MYO1B: variants seen among roughly 807,000 people sequenced by gnomAD.
MYO1B encodes unconventional myosin-Ib.
Under a neutral mutation model 159.7 loss-of-function variants are expected in MYO1B, and 72 were observed. That is an observed-to-expected ratio of 0.45 (90% CI 0.37 to 0.55). MYO1B has a LOEUF of 0.55. Ranked by LOEUF, MYO1B falls within the 20% of genes least tolerant of loss-of-function variation. MYO1B has a pLI of 0.00. For missense variants in MYO1B, 1,062 were observed against 1,364.8 expected, an observed-to-expected ratio of 0.78 and a Z score of 3.50; for synonymous variants, 468 against 473.8, an observed-to-expected ratio of 0.99 and a Z score of 0.16.
chr2:191,388,652 A>G (rs1008912488), intron 17 of MYO1B, among the ~76,000 whole-genome samples: 2 of 152,146 alleles, frequency 1.3e-5, no homozygotes, highest in African/African-American at 4.8e-5. Flanking sequence ...TTAAAAAAAA[A>G]CCCAAGAAAC....
chr2:191,421,772 AG>A (rs1418585996), intron 30 of MYO1B, among the ~76,000 whole-genome samples: 1 of 152,234 alleles, frequency 6.6e-6, no homozygotes, highest in African/African-American at 2.4e-5. Flanking sequence ...CACTGTGCCC[AG>A]CCACAAGTGG....
At chr2:191,269,055 T>G (rs1428841136) in intron 1 of MYO1B, among the ~76,000 whole-genome samples, 4 of 152,220 alleles carry the variant, frequency 2.6e-5, no homozygotes, top group African/African-American at 9.6e-5. Context: ...GTGTACAGTT[T>G]AGTCACATTA....
At chr2:191,285,869 C>T (rs1160652413) in intron 2 of MYO1B, among the ~76,000 whole-genome samples, 2 of 152,058 alleles carry the variant, frequency 1.3e-5, no homozygotes, top group African/African-American at 2.4e-5. Flanking sequence ...CCTCAGGTCC[C>T]AGATTTGTTA....
intron 13 of MYO1B, among the ~76,000 whole-genome samples, chr2:191,372,221 A>T (rs1694407634): frequency 6.6e-6 from 1 of 152,264 alleles, no homozygotes; most frequent in Admixed American, 6.5e-5. Flanking sequence ...AAAGTCAAAG[A>T]AACTGATTTT....
At chr2:191,286,410 A>T (rs1688377115) in intron 2 of MYO1B, among the ~76,000 whole-genome samples, 1 of 152,096 alleles carries the variant, frequency 6.6e-6, no homozygotes, top group African/African-American at 2.4e-5. Context: ...CTAATTAAAA[A>T]CACCGTGGCA....
In MYO1B at chr2:191,364,286, A is replaced by C; in HGVS notation, c.1032+10A>C. On this transcript the variant is annotated intron_variant, in intron 11 of 30. Coordinates refer to ENST00000392318, the MANE Select transcript of MYO1B (RefSeq NM_001130158.3). The stretch of plus-strand genomic sequence containing the variant: ...ACTGAATGTGGCTCAGGTGGGTGAA[A>C]CATAATGTACAGACGAAAGTTTCTT... 4 of 1,586,486 alleles carry C rather than the reference A, an allele frequency of 2.5e-6. No homozygotes were observed. The highest frequency in any genetic ancestry group is 3.5e-6 in the Non-Finnish European group (4 of 1,155,634).
At chr2:191,292,189 A>G (rs1391845651) in intron 2 of MYO1B, among the ~76,000 whole-genome samples, 2 of 152,208 alleles carry the variant, frequency 1.3e-5, no homozygotes, top group African/African-American at 2.4e-5. Flanking sequence ...ATTTAGGTGG[A>G]TAAAACTTGT....
chr2:191,350,387 T>G, intron 7 of MYO1B, 162 bp downstream of exon 7: 1 of 467,984 alleles, frequency 2.1e-6, no homozygotes, highest in Non-Finnish European at 3.7e-6. Flanking sequence ...TATAATAGAA[T>G]GTAATTTATA....
At chr2:191,350,006 A>G (rs1486233201) in intron 6 of MYO1B, among the ~76,000 whole-genome samples, 156 bp from the exon 7 acceptor site, 2 of 152,174 alleles carry the variant, frequency 1.3e-5, no homozygotes, top group Non-Finnish European at 2.9e-5. Flanking sequence ...TTATGGAGGC[A>G]TGTTGTTTTG....
intron 2 of MYO1B, among the ~76,000 whole-genome samples, chr2:191,280,452 A>G (rs996179276): frequency 6.6e-6 from 1 of 152,194 alleles, no homozygotes; most frequent in Non-Finnish European, 1.5e-5. Flanking sequence ...CTGAGGCTTC[A>G]TAGTAGCAAA....
chr2:191,279,463 T>A (rs1687927765), intron 2 of MYO1B, among the ~76,000 whole-genome samples: 1 of 152,148 alleles, frequency 6.6e-6, no homozygotes, highest in African/African-American at 2.4e-5. Flanking sequence ...ACAGGGAAGG[T>A]TACTCTTTTA....
At chr2:191,401,878 G>T (rs1207559636) in intron 23 of MYO1B, 1 of 152,192 alleles carries the variant, frequency 6.6e-6, no homozygotes, top group Non-Finnish European at 1.5e-5. Context: ...TCATTTCCCA[G>T]TCTCAGTACT....
chr2:191,318,338 T>G (rs540207887), intron 3 of MYO1B, among the ~76,000 whole-genome samples: 6 of 152,348 alleles, frequency 3.9e-5, no homozygotes, highest in Non-Finnish European at 8.8e-5. Context: ...GATTTGATTC[T>G]GTATGAGTGT....
chr2:191,330,816 A>G (rs1241019637), intron 4 of MYO1B, among the ~76,000 whole-genome samples: 3 of 152,246 alleles, frequency 2.0e-5, no homozygotes. Context: ...TTTTATAGAT[A>G]AGAATATGAT....
chr2:191,265,187 GTT>G (rs34417586), intron 1 of MYO1B, among the ~76,000 whole-genome samples: 53,322 of 135,944 alleles, frequency 0.39, 9,961 homozygotes, highest in Middle Eastern at 0.55. Flanking sequence ...GAAGGCCCCT[GTT>G]TTTTTTTTTT....
intron 4 of MYO1B, among the ~76,000 whole-genome samples, chr2:191,331,262 GA>G (rs59290408): frequency 0.095 from 14,521 of 152,100 alleles, 2,260 homozygotes; most frequent in African/African-American, 0.33. Flanking sequence ...TTAGGTAACA[GA>G]AAACATGGTG....
chr2:191,267,546 C>T (rs1313681112), intron 1 of MYO1B, among the ~76,000 whole-genome samples: 1 of 152,156 alleles, frequency 6.6e-6, no homozygotes, highest in Non-Finnish European at 1.5e-5. Context: ...CATGAATAGA[C>T]ACACCTTATA....
chr2:191,356,915 A>T (rs1434861336), intron 7 of MYO1B, among the ~76,000 whole-genome samples: 1 of 152,220 alleles, frequency 6.6e-6, no homozygotes. Flanking sequence ...GTCTTGGAGC[A>T]ACTGGAGAGG....
At position 191,301,466 on chromosome 2, in the gene MYO1B, A is replaced by G. The variant is rs139919208; in HGVS notation, c.251+5240A>G. Among the ~76,000 whole-genome samples the G allele has an allele frequency of 7.3e-4, 111 of 152,360 alleles. 1 individual carries two copies. Among genetic ancestry groups the G allele is most frequent in the Middle Eastern group, 3.4e-3 (1 of 294 alleles). On this transcript the variant is annotated intron_variant, in intron 3 of 30. Coordinates refer to ENST00000392318, the MANE Select transcript of MYO1B (RefSeq NM_001130158.3). The stretch of plus-strand genomic sequence containing the variant: ...TTTTTGATCACAACATGACACCACA[A>G]GTGGAAAACACCACTCCTGACCTCC...
Sources: allele counts gnomAD v4.1 joint callset (sites outside exome capture counted in the v4.1 genomes callset), GRCh38; gene constraint gnomAD v4.1.1; transcripts MANE v1.5; gene names NCBI Gene and HGNC (gene_info 2026-07-23, HGNC 2026-07-21).